The following EXD3 variants were observed in gnomAD, a reference collection of about 807,000 sequenced individuals.
EXD3 encodes the protein exonuclease mut-7 homolog.
A neutral mutation model predicts 98.0 loss-of-function variants in EXD3; 92 were observed. That is an observed-to-expected ratio of 0.94 (90% CI 0.79 to 1.12). The LOEUF (loss-of-function observed/expected upper bound fraction) is 1.12, where lower values mean the gene tolerates loss of function less well. Ranked by LOEUF, EXD3 falls within the 50% of genes most tolerant of loss-of-function variation. The pLI, the probability that EXD3 is intolerant of heterozygous loss-of-function variation, is 0.00. For synonymous variants in EXD3, 569 were observed against 526.0 expected (o/e 1.08, Z -1.12); for missense variants, 1,222 against 1,191.6 (o/e 1.03, Z -0.38).
intron 1 of EXD3, among the ~76,000 whole-genome samples, chr9:137,411,975 C>T (rs1380725930): frequency 2.6e-5 from 4 of 152,142 alleles, no homozygotes; most frequent in African/African-American, 4.8e-5. Context: ...GCCAGGAGGG[C>T]GGGAGGCGGC....
At chr9:137,354,153 C>G in intron 10 of EXD3, 186 bp downstream of exon 10, 1 of 1,431,834 alleles carries the variant, frequency 7.0e-7, no homozygotes, top group Non-Finnish European at 9.1e-7. Flanking sequence ...GGCTCCCGCT[C>G]AGGCCTCCCG....
rs1415773579 is a variant in EXD3, at chr9:137,356,294, A to G, written c.731T>C (p.Leu244Pro). 1 of 1,604,168 alleles carries G rather than the reference A, an allele frequency of 6.2e-7. No individual in the cohort carries two copies. The highest frequency in any genetic ancestry group is 1.1e-5 in the South Asian group (1 of 89,202). Residue 244 changes from leucine (L) to proline (P), a missense_variant, in exon 8 of 22, where the codon CTG becomes CCG. Coordinates refer to ENST00000340951, the MANE Select transcript of EXD3 (RefSeq NM_017820.5). ...PKALSRQVLR[L>P]QERYGVAPAL... is the part of the protein sequence containing the mutation. The stretch of plus-strand genomic sequence containing the variant: ...TGGGGCTACGCCGTACCGCTCCTGC[A>G]GACGCAAGACCTGCCTGCTCAGCGC...
chr9:137,346,216 G>A (rs1165278067), intron 17 of EXD3, among the ~76,000 whole-genome samples: 2 of 82,160 alleles, frequency 2.4e-5, no homozygotes, highest in Admixed American at 2.0e-4. Context: ...TCCGGGCTGG[G>A]AGACAGAGCA....
intron 17 of EXD3, among the ~76,000 whole-genome samples, chr9:137,335,064 G>A (rs546177436): frequency 2.1e-4 from 31 of 150,914 alleles, no homozygotes; most frequent in African/African-American, 7.1e-4. Context: ...GTGACAGAGC[G>A]AGACTCTGTC....
chr9:137,328,661 A>ACTACACGGGACTACACGGGG (rs1832667151), intron 17 of EXD3, among the ~76,000 whole-genome samples: 1 of 21,468 alleles, frequency 4.7e-5, no homozygotes, highest in Admixed American at 5.7e-4. Flanking sequence ...ACTACACGGG[A>ACTACACGGGACTACACGGGG]CTACACGGGA....
rs201749416 is a variant in EXD3, at chr9:137,346,737, CCT to C, written c.1998+1332_1998+1333del. 7.0e-3 allele frequency among the ~76,000 whole-genome samples: 1,046 copies of C among 150,072 alleles called. 24 individuals are homozygous for C. The highest frequency in any genetic ancestry group is 0.049 in the South Asian group (228 of 4,688). On this transcript the variant is annotated intron_variant, in intron 17 of 21. Coordinates refer to ENST00000340951, the MANE Select transcript of EXD3 (RefSeq NM_017820.5). ...GGACTCTCCCACCCTCCACTCATCC[CCT>C]GATTCTAAAACTACTTCCGCATGTT...
intron 4 of EXD3, 23 bp downstream of exon 4, chr9:137,373,403 T>G: frequency 6.2e-7 from 1 of 1,600,932 alleles, no homozygotes; most frequent in Non-Finnish European, 8.5e-7. Flanking sequence ...GGGAGGTGAC[T>G]GTCACAGAAC....
intron 2 of EXD3, among the ~76,000 whole-genome samples, chr9:137,387,244 C>T (rs1261264953): frequency 1.3e-5 from 2 of 152,064 alleles, no homozygotes; most frequent in Admixed American, 6.5e-5. Context: ...GGGCAGTGAC[C>T]GCCTGGGTCT....
At chr9:137,313,732 A>C (rs974530339) in intron 19 of EXD3, among the ~76,000 whole-genome samples, 2 of 152,020 alleles carry the variant, frequency 1.3e-5, no homozygotes, top group African/African-American at 4.8e-5. Flanking sequence ...GTCCAGGAGG[A>C]GTCAAGGCCT....
intron 1 of EXD3, among the ~76,000 whole-genome samples, chr9:137,412,780 T>C (rs1299001846): frequency 6.6e-6 from 1 of 152,202 alleles, no homozygotes; most frequent in Non-Finnish European, 1.5e-5. Flanking sequence ...TCAGTGACCA[T>C]TTTTATTTAA....
chr9:137,388,517 A>T (rs1836728549), intron 2 of EXD3, among the ~76,000 whole-genome samples: 1 of 152,082 alleles, frequency 6.6e-6, no homozygotes. Context: ...GTTATTCCCG[A>T]CACTCTACCA....
chr9:137,387,012 G>C (rs28402160), intron 2 of EXD3, among the ~76,000 whole-genome samples: 44 of 94,382 alleles, frequency 4.7e-4, no homozygotes, highest in African/African-American at 1.4e-3. Flanking sequence ...TCCCTGCCTG[G>C]CCCCCTCAGC....
intron 17 of EXD3, among the ~76,000 whole-genome samples, chr9:137,342,278 C>T (rs1165099690): frequency 9.1e-6 from 1 of 110,188 alleles, no homozygotes; most frequent in African/African-American, 4.1e-5. Context: ...GGGGCTCAGG[C>T]ACCAGGAGCC....
intron 17 of EXD3, among the ~76,000 whole-genome samples, chr9:137,344,069 T>G (rs944744602): frequency 6.6e-6 from 1 of 150,852 alleles, no homozygotes; most frequent in Non-Finnish European, 1.5e-5. Flanking sequence ...TTTTTTATAT[T>G]TTTAGTAGAG....
At chr9:137,323,424 A>G (rs368981473) in intron 19 of EXD3, among the ~76,000 whole-genome samples, 30 of 7,504 alleles carry the variant, frequency 4.0e-3, no homozygotes, top group Non-Finnish European at 4.9e-3. Flanking sequence ...CCCACGAGGG[A>G]TGCTCTGCCG....
chr9:137,358,485 C>A (rs895270230), intron 7 of EXD3, among the ~76,000 whole-genome samples: 1 of 152,162 alleles, frequency 6.6e-6, no homozygotes, highest in African/African-American at 2.4e-5. Context: ...GGCTCCGAAG[C>A]CAACTGGCTC....
rs866769048 is a variant in EXD3, at chr9:137,374,262, C to T, written c.121-663G>A. On this transcript the variant is annotated intron_variant, in intron 3 of 21. Coordinates refer to ENST00000340951, the MANE Select transcript of EXD3 (RefSeq NM_017820.5). ...GAATCTTAACAGCTAAAGGGGTGGA[C>T]GGGTTCACAGCTCAGCGCTCGGGAC... Among the ~76,000 whole-genome samples the T allele has an allele frequency of 6.6e-5, 10 of 152,350 alleles. No homozygotes were observed. The East Asian group carries it at 1.4e-3, about 21-fold the overall frequency.
At chr9:137,375,102 G>A (rs1246518853) in intron 3 of EXD3, among the ~76,000 whole-genome samples, 4 of 151,838 alleles carry the variant, frequency 2.6e-5, no homozygotes, top group South Asian at 2.1e-4. Context: ...TCCGCCTCCC[G>A]GGTTCACGCC....
At chr9:137,344,321 G>A (rs932807318) in intron 17 of EXD3, among the ~76,000 whole-genome samples, 1 of 152,076 alleles carries the variant, frequency 6.6e-6, no homozygotes, top group African/African-American at 2.4e-5. Flanking sequence ...AACAACTTCC[G>A]GCACCAAAAT....
Sources: allele counts gnomAD v4.1 joint callset (sites outside exome capture counted in the v4.1 genomes callset), GRCh38; gene constraint gnomAD v4.1.1; transcripts MANE v1.5; gene names NCBI Gene and HGNC (gene_info 2026-07-23, HGNC 2026-07-21).